The following DNAJC5B variants were observed in gnomAD, a reference collection of about 807,000 sequenced individuals.
The protein encoded by DNAJC5B is dnaJ homolog subfamily C member 5B.
DNAJC5B carries 23 observed loss-of-function variants against 24.7 expected under a neutral mutation model. That is an observed-to-expected ratio of 0.93 (90% confidence interval 0.67 to 1.32). DNAJC5B has a LOEUF of 1.32. Ranked by LOEUF, DNAJC5B falls within the 40% of genes most tolerant of loss-of-function variation. DNAJC5B has a pLI of 0.00. For synonymous variants in DNAJC5B, 101 were observed against 90.1 expected (o/e 1.12, Z -0.68); for missense variants, 238 against 240.8 (o/e 0.99, Z 0.08).
chr8:66,017,478 G>T (rs1805985434), upstream of DNAJC5B, among the ~76,000 whole-genome samples: 1 of 152,126 alleles, frequency 6.6e-6, no homozygotes, highest in African/African-American at 2.4e-5. Flanking sequence ...GATTCTACAG[G>T]CACGCTTCCA....
At chr8:66,062,540 C>G (rs1328356343) in intron 3 of DNAJC5B, among the ~76,000 whole-genome samples, 1 of 152,188 alleles carries the variant, frequency 6.6e-6, no homozygotes, top group Non-Finnish European at 1.5e-5. Flanking sequence ...GAGCTGGAAA[C>G]AAGATTAAGA....
At chr8:66,047,324 C>T (rs1177860891) in intron 2 of DNAJC5B, among the ~76,000 whole-genome samples, 2 of 152,184 alleles carry the variant, frequency 1.3e-5, no homozygotes, top group African/African-American at 4.8e-5. Context: ...TCTCTGCCTG[C>T]CCATGTCTGC....
intron 1 of DNAJC5B, among the ~76,000 whole-genome samples, chr8:66,024,530 C>A (rs1301389624): frequency 8.1e-6 from 1 of 122,914 alleles, no homozygotes; most frequent in Admixed American, 8.0e-5. Flanking sequence ...CACCCACTAA[C>A]GTGTCATCTA....
chr8:66,051,420 A>G, intron 2 of DNAJC5B, 111 bp from the exon 3 acceptor site: 1 of 700,536 alleles, frequency 1.4e-6, no homozygotes, highest in Non-Finnish European at 2.5e-6. Flanking sequence ...TAGTTGGTAC[A>G]CAAATATTCT....
upstream of DNAJC5B, among the ~76,000 whole-genome samples, chr8:66,020,361 A>G (rs1806078912): frequency 6.6e-6 from 1 of 152,224 alleles, no homozygotes; most frequent in Non-Finnish European, 1.5e-5. Context: ...ATGAAAGCCC[A>G]ATATATGTTC....
At chr8:66,015,694 G>A in the DNAJC5B span, among the ~76,000 whole-genome samples, 1 of 152,312 alleles carries the variant, frequency 6.6e-6, no homozygotes, top group South Asian at 2.1e-4. Context: ...CTTGGTCTGA[G>A]AGAGAATGCC....
intron 5 of DNAJC5B, among the ~76,000 whole-genome samples, chr8:66,089,873 T>C (rs1189190037): frequency 2.6e-5 from 4 of 152,182 alleles, no homozygotes; most frequent in Non-Finnish European, 5.9e-5. Flanking sequence ...AATAGAAATA[T>C]ACTCCCAATG....
intron 5 of DNAJC5B, among the ~76,000 whole-genome samples, chr8:66,089,617 A>G (rs1166318118): frequency 6.6e-6 from 1 of 152,192 alleles, no homozygotes; most frequent in East Asian, 1.9e-4. Context: ...GACTCTAGCT[A>G]AAGTCTAAGA....
At chr8:66,086,715 T>A (rs1285435538) in intron 5 of DNAJC5B, among the ~76,000 whole-genome samples, 3 of 152,142 alleles carry the variant, frequency 2.0e-5, no homozygotes, top group South Asian at 2.1e-4. Flanking sequence ...TAATTACCCA[T>A]CTAAATTCTA....
chr8:66,080,173 G>A (rs1389881737), intron 4 of DNAJC5B, among the ~76,000 whole-genome samples: 1 of 152,100 alleles, frequency 6.6e-6, no homozygotes, highest in Non-Finnish European at 1.5e-5. Context: ...TAATTTACTA[G>A]GCAAAACTTT....
intron 3 of DNAJC5B, among the ~76,000 whole-genome samples, chr8:66,072,842 A>G (rs150618584): frequency 6.6e-6 from 1 of 152,354 alleles, no homozygotes; most frequent in Non-Finnish European, 1.5e-5. Flanking sequence ...CCAGAAACAT[A>G]AGCTTCATCT....
intron 1 of DNAJC5B, among the ~76,000 whole-genome samples, chr8:66,024,191 T>C (rs1450705008): frequency 6.6e-6 from 1 of 152,148 alleles, no homozygotes; most frequent in African/African-American, 2.4e-5. Flanking sequence ...TAAAAGATAA[T>C]TATGAAGCAA....
chr8:66,039,445 C>T (rs1177641496), intron 1 of DNAJC5B, among the ~76,000 whole-genome samples: 1 of 150,594 alleles, frequency 6.6e-6, no homozygotes. Flanking sequence ...GCCTCCTGGG[C>T]TCAAGCGATT....
At chr8:66,027,691 T>C (rs1319515348) in intron 1 of DNAJC5B, among the ~76,000 whole-genome samples, 2 of 152,204 alleles carry the variant, frequency 1.3e-5, no homozygotes, top group Non-Finnish European at 2.9e-5. Flanking sequence ...ATCATTATTA[T>C]TACGAGAGGG....
intron 5 of DNAJC5B, among the ~76,000 whole-genome samples, chr8:66,089,906 T>C (rs1038293757): frequency 6.6e-6 from 1 of 152,212 alleles, no homozygotes; most frequent in Non-Finnish European, 1.5e-5. Context: ...CACAGAGGCA[T>C]TCTATTGTTC....
Position 66,087,586 on chromosome 8 carries a change from C to A in DNAJC5B, c.505+7038C>A, listed in dbSNP as rs376862400. ...ACCTATGAGCCTGTAAAATCAAAAGCAAGTTAGTTACTTCCAAGATACAAT... is the reference window on the plus strand; with the variant it reads ...ACCTATGAGCCTGTAAAATCAAAAGAAAGTTAGTTACTTCCAAGATACAAT... On this transcript the variant is annotated intron_variant, in intron 5 of 5. Transcript: ENST00000276570. Among the ~76,000 whole-genome samples, 14 of 152,286 alleles carry A rather than the reference C, an allele frequency of 9.2e-5. No individual in the cohort carries two copies. In the South Asian group the frequency reaches 2.7e-3, roughly 29 times the overall value.
intron 2 of DNAJC5B, among the ~76,000 whole-genome samples, chr8:66,049,903 A>AT (rs983354082): frequency 3.9e-5 from 6 of 152,170 alleles, no homozygotes; most frequent in Non-Finnish European, 7.4e-5. Flanking sequence ...CATCTCTTTT[A>AT]TTTTATGACA....
rs1426656045 is a variant in DNAJC5B at position 66,076,755 on chromosome 8, C to G, written c.215C>G (p.Thr72Ser). The G allele has an allele frequency of 1.2e-5, 19 of 1,614,200 alleles. No homozygotes were observed. Among genetic ancestry groups the G allele is most frequent in the Middle Eastern group, 1.6e-4 (1 of 6,062 alleles). ...ATCAACAACGCCCACGCAATACTTA[C>G]CGACATTTCAAAGAGAAGCATATAC... ...KEINNAHAIL[T>S]DISKRSIYDK... The change falls in exon 4 of 6, where the codon ACC (threonine) becomes AGC (serine). Residue 72 changes from threonine (T) to serine (S), a missense_variant. Coordinates refer to ENST00000276570, the MANE Select transcript of DNAJC5B (RefSeq NM_033105.6).
intron 3 of DNAJC5B, among the ~76,000 whole-genome samples, chr8:66,061,806 G>A (rs939374220): frequency 6.6e-6 from 1 of 152,052 alleles, no homozygotes; most frequent in Admixed American, 6.5e-5. Flanking sequence ...AGTTAAAAAT[G>A]TTGAAGGGAC....
Sources: allele counts gnomAD v4.1 joint callset (sites outside exome capture counted in the v4.1 genomes callset), GRCh38; gene constraint gnomAD v4.1.1; transcripts MANE v1.5; gene names NCBI Gene and HGNC (gene_info 2026-07-23, HGNC 2026-07-21).